ARMC1: variants seen among roughly 807,000 people sequenced by gnomAD.
ARMC1 encodes the protein armadillo repeat-containing protein 1.
A neutral mutation model predicts 31.4 loss-of-function variants in ARMC1; 16 were observed. That is an observed-to-expected ratio of 0.51 (90% CI 0.34 to 0.77). The LOEUF is 0.77. Ranked by LOEUF, ARMC1 falls within the 30% of genes least tolerant of loss-of-function variation. The pLI, the probability that ARMC1 is intolerant of heterozygous loss-of-function variation, is 0.01. For synonymous variants in ARMC1, 114 were observed against 118.9 expected (o/e 0.96, Z 0.27); for missense variants, 259 against 347.5 (o/e 0.75, Z 2.02).
chr8:65,610,624 G>A (rs1275190603), intron 4 of ARMC1, among the ~76,000 whole-genome samples: 4 of 151,998 alleles, frequency 2.6e-5, no homozygotes, highest in Admixed American at 2.6e-4. Flanking sequence ...GAACCCAGGA[G>A]GTGGAGGTTG....
At chr8:65,623,366 T>C (rs1354584272) in intron 2 of ARMC1, among the ~76,000 whole-genome samples, 1 of 147,222 alleles carries the variant, frequency 6.8e-6, no homozygotes, top group Non-Finnish European at 1.5e-5. Flanking sequence ...CCCAGCACTT[T>C]GGGAGGCCAA....
chr8:65,613,239 C>T lies in ARMC1; in HGVS notation c.465+5G>A. 6.3e-7 allele frequency: 1 copy of T among 1,590,682 alleles called. No homozygotes were observed. Among genetic ancestry groups the T allele is most frequent in the Non-Finnish European group, 8.5e-7 (1 of 1,170,628 alleles). On this transcript the variant is annotated splice_donor_5th_base_variant and intron_variant, in intron 4 of 6. Transcript: ENST00000276569. ...GATTTCTCTTTCCCATCTAACAGAC[C>T]TTACCGTATCATCAAGGCCATCTAT...
chr8:65,615,025 T>C (rs1808220394), intron 3 of ARMC1, among the ~76,000 whole-genome samples: 1 of 150,582 alleles, frequency 6.6e-6, no homozygotes, highest in Non-Finnish European at 1.5e-5. Flanking sequence ...CTAACAAAAA[T>C]GTTTGCAAGT....
In ARMC1 at chr8:65,602,628, C is replaced by G. The variant is rs1384158111; in HGVS notation, c.*1766G>C. On this transcript the variant is annotated 3_prime_UTR_variant, in exon 7 of 7. Transcript: ENST00000276569. ...CCTACTTGTCCTGAAACATTACTAC[C>G]AAAGGGATGTAGTTTTTAAATAAGC... The G allele has an allele frequency of 6.6e-6, 1 of 152,000 alleles. No individual in the cohort carries two copies. The highest frequency in any genetic ancestry group is 1.5e-5 in the Non-Finnish European group (1 of 68,000). The allele number at this position is 152,000 out of a possible 1,614,324, so 9.4% of individuals were successfully genotyped here.
intron 1 of ARMC1, among the ~76,000 whole-genome samples, chr8:65,632,321 C>G (rs961679756): frequency 6.6e-6 from 1 of 151,936 alleles, no homozygotes; most frequent in Non-Finnish European, 1.5e-5. Flanking sequence ...AGCCTGGGAG[C>G]TCGACAGAGT....
intron 3 of ARMC1, among the ~76,000 whole-genome samples, chr8:65,617,408 A>C (rs184640020): frequency 0.019 from 2,873 of 152,212 alleles, 28 homozygotes; most frequent in African/African-American, 0.026. Context: ...TGTTAAACAG[A>C]TGCTTGAAGG....
At chr8:65,612,902 A>G (rs1157058009) in intron 4 of ARMC1, among the ~76,000 whole-genome samples, 1 of 152,090 alleles carries the variant, frequency 6.6e-6, no homozygotes, top group Admixed American at 6.6e-5. Context: ...AATAAAAATT[A>G]GGTTAAATTG....
chr8:65,621,670 G>C (rs577274761), intron 3 of ARMC1, among the ~76,000 whole-genome samples: 2 of 152,122 alleles, frequency 1.3e-5, no homozygotes, highest in South Asian at 2.1e-4. Context: ...CACCACACCA[G>C]GCTAATTTTT....
Position 65,622,283 on chromosome 8 carries a change from G to A in ARMC1, c.255C>T (p.Ser85=). 1 of 1,613,576 alleles carries A rather than the reference G, an allele frequency of 6.2e-7. No homozygotes were observed. Among genetic ancestry groups the A allele is most frequent in the Non-Finnish European group, 8.5e-7 (1 of 1,179,552 alleles). The change falls in exon 3 of 7, where the codon AGC becomes AGT. Residue 85 remains serine (S), a synonymous_variant. Coordinates refer to ENST00000276569, the MANE Select transcript of ARMC1 (RefSeq NM_018120.6). ...CTTACTTCTGTATAACATTTTGTAA[G>A]CTCAACATCATACCCAGTTCTCCTT... The part of the protein sequence containing the change: ...KMKGELGMML[S]LQNVIQKTTT...
At chr8:65,630,846 C>T (rs773184887) in intron 1 of ARMC1, among the ~76,000 whole-genome samples, 1 of 151,782 alleles carries the variant, frequency 6.6e-6, no homozygotes, top group Non-Finnish European at 1.5e-5. Context: ...AAAAAACCTT[C>T]CAGTCTTCAA....
At chr8:65,627,479 T>A in intron 1 of ARMC1, 46 bp from the exon 2 acceptor site, 1 of 1,103,418 alleles carries the variant, frequency 9.1e-7, no homozygotes, top group Non-Finnish European at 1.2e-6. Context: ...CTGAGGTATA[T>A]TATAGCACTT....
intron 4 of ARMC1, among the ~76,000 whole-genome samples, chr8:65,610,137 G>T (rs911347009): frequency 5.3e-5 from 8 of 151,832 alleles, no homozygotes; most frequent in African/African-American, 1.9e-4. Flanking sequence ...TCGCCCTGTC[G>T]CCCAGGCTGG....
At chr8:65,608,527 G>A (rs1013527437) in intron 4 of ARMC1, among the ~76,000 whole-genome samples, 7 of 151,674 alleles carry the variant, frequency 4.6e-5, no homozygotes, top group Admixed American at 2.6e-4. Flanking sequence ...ACTCTGTCTC[G>A]AAAAAGAGTT....
chr8:65,611,482 CTT>C (rs57974203), intron 4 of ARMC1, among the ~76,000 whole-genome samples: 1 of 150,270 alleles, frequency 6.7e-6, no homozygotes, highest in Non-Finnish European at 1.5e-5. Flanking sequence ...TTTCTAGTTT[CTT>C]TTTTTTTCTG....
At chr8:65,623,894 T>A (rs1311015635) in intron 2 of ARMC1, among the ~76,000 whole-genome samples, 1 of 123,674 alleles carries the variant, frequency 8.1e-6, no homozygotes, top group South Asian at 2.9e-4. Flanking sequence ...ACCCCCCGAG[T>A]TCAAGCGATT....
chr8:65,616,257 CGAG>C (rs1465690648), intron 3 of ARMC1, among the ~76,000 whole-genome samples: 1 of 152,150 alleles, frequency 6.6e-6, no homozygotes, highest in African/African-American at 2.4e-5. Context: ...CTCAGCCTGC[CGAG>C]TGCCTGCGAT....
rs768432990 is a variant in ARMC1 at position 65,622,371 on chromosome 8, A to G, written c.184-17T>C. 2 of 1,603,780 alleles carry G rather than the reference A, an allele frequency of 1.2e-6. No homozygotes were observed. The highest frequency in any genetic ancestry group is 3.3e-5 in the Admixed American group (2 of 59,730). ...TCGAAGAGCCTACAGCAGAAGAAGT[A>G]ATAAGTTAATTCGTCTGTCCAGACT... On this transcript the variant is annotated splice_polypyrimidine_tract_variant and intron_variant, in intron 2 of 6. Transcript: ENST00000276569.
At chr8:65,618,555 T>C (rs1808326258) in intron 3 of ARMC1, among the ~76,000 whole-genome samples, 3 of 146,282 alleles carry the variant, frequency 2.1e-5, no homozygotes, top group South Asian at 4.3e-4. Flanking sequence ...TAATGTAAAG[T>C]GTCTCACCAG....
At chr8:65,625,938 G>A (rs1391652510) in intron 2 of ARMC1, among the ~76,000 whole-genome samples, 6 of 143,784 alleles carry the variant, frequency 4.2e-5, no homozygotes, top group East Asian at 2.0e-4. Context: ...GCCCAGGCTC[G>A]AGTGCAATGG....
Sources: gnomAD v4.1 joint callset for allele counts (sites outside exome capture counted in the v4.1 genomes callset) on GRCh38, gnomAD v4.1.1 for gene constraint, MANE v1.5 for transcripts, NCBI Gene and HGNC (gene_info 2026-07-23, HGNC 2026-07-21) for gene names.